The following CR1 variants were observed in gnomAD, a reference collection of about 807,000 sequenced individuals.
CR1 encodes complement receptor type 1.
Under a neutral mutation model 187.3 loss-of-function variants are expected in CR1, and 116 were observed. The ratio of observed to expected loss-of-function variants is 0.62; its 90% CI spans 0.53 to 0.72. The LOEUF (loss-of-function observed/expected upper bound fraction) is 0.72. Ranked by LOEUF, CR1 falls within the 30% of genes least tolerant of loss-of-function variation. The probability of loss-of-function intolerance (pLI) is 0.00; values close to 1 mark genes in which losing one functional copy is unlikely to be tolerated. For missense variants in CR1, 1,731 were observed against 2,110.7 expected, an observed-to-expected ratio of 0.82 and a Z score of 3.52; for synonymous variants, 576 against 747.1, an observed-to-expected ratio of 0.77 and a Z score of 3.73.
intron 4 of CR1, among the ~76,000 whole-genome samples, chr1:207,511,990 T>C (rs1659636907): frequency 6.6e-6 from 1 of 152,306 alleles, no homozygotes; most frequent in Middle Eastern, 3.4e-3. Flanking sequence ...TTAAAATTGA[T>C]ACTCTTCAAG....
intron 37 of CR1, among the ~76,000 whole-genome samples, chr1:207,611,205 G>A (rs906134280): frequency 6.6e-6 from 1 of 152,138 alleles, no homozygotes; most frequent in Admixed American, 6.5e-5. Context: ...GAAGCTAACA[G>A]TTCAGCCCTG....
intron 28 of CR1, among the ~76,000 whole-genome samples, chr1:207,576,654 CA>C (rs1660755115): frequency 6.6e-6 from 1 of 151,966 alleles, no homozygotes; most frequent in Non-Finnish European, 1.5e-5. Flanking sequence ...CATGTCTCTA[CA>C]AAAAATACAA....
rs55906048 is a variant in CR1, at chr1:207,506,806, A to C, written c.394A>C (p.Thr132Pro). 326 of 1,611,262 alleles carry C rather than the reference A, an allele frequency of 2.0e-4. 2 individuals carry two copies. In the East Asian group the frequency reaches 5.5e-3, roughly 27 times the overall value. The change falls in exon 3 of 47, where the codon ACT (threonine) becomes CCT (proline). Residue 132 changes from threonine to proline, a missense_variant. Transcript: ENST00000367049. ...CGGATCCCAAATTAAATATTCTTGTACTAAAGGGTGAGTTGGCATCTCTTG... is the reference window on the plus strand; with the variant it reads ...CGGATCCCAAATTAAATATTCTTGTCCTAAAGGGTGAGTTGGCATCTCTTG... The part of the protein sequence containing the change: ...QFGSQIKYSC[T>P]KGYRLIGSSS...
At chr1:207,620,105 T>C (rs751623490) in intron 43 of CR1, 40 bp downstream of exon 43, 10 of 1,573,174 alleles carry the variant, frequency 6.4e-6, no homozygotes, top group African/African-American at 1.4e-5. Context: ...TTCCCGGTCA[T>C]GGTTATTGCT....
intron 35 of CR1, among the ~76,000 whole-genome samples, chr1:207,599,916 A>T (rs1007966732): frequency 1.3e-5 from 2 of 152,230 alleles, no homozygotes; most frequent in African/African-American, 4.8e-5. Context: ...TTCTGAAAAC[A>T]AGTGCAACTT....
At position 207,621,976 on chromosome 1, in the gene CR1, C is replaced by T; in HGVS notation, c.7256C>T (p.Thr2419Ile). 6.3e-7 allele frequency: 1 copy of T among 1,596,818 alleles called. No individual in the cohort carries two copies. Among genetic ancestry groups the T allele is most frequent in the Non-Finnish European group, 8.5e-7 (1 of 1,170,094 alleles). The change falls in exon 44 of 47, where the codon ACA becomes ATA. Residue 2419 changes from threonine (T) to isoleucine (I), a missense_variant. Physicochemically the swap from Thr to Ile is moderately conservative, Grantham distance 89 (BLOSUM62 -1). Around this residue, in one of 5 missense-constraint regions of CR1, gnomAD observed 1,312 missense variants for 1,379.6 expected, o/e 0.95. Transcript: ENST00000367049. ...GTGACTTTTGTCTTCCTTTTAGGTA[C>T]ACATGATGCTCTCATAGTTGGTAAG... ...DPPLAKCTSR[T>I]HDALIVGTLS...
chr1:207,578,452 A>C (rs1660837001), intron 29 of CR1, among the ~76,000 whole-genome samples: 1 of 152,246 alleles, frequency 6.6e-6, no homozygotes, highest in Non-Finnish European at 1.5e-5. Flanking sequence ...TTTGATTCTC[A>C]GGGCAAAGTA....
chr1:207,520,498 G>A (rs1203219621), intron 4 of CR1, among the ~76,000 whole-genome samples: 3 of 152,218 alleles, frequency 2.0e-5, no homozygotes, highest in Admixed American at 1.3e-4. Context: ...TAAAGGCATT[G>A]GCTGATGGGT....
chr1:207,581,655 T>C (rs1266929615), intron 31 of CR1, among the ~76,000 whole-genome samples: 1 of 152,162 alleles, frequency 6.6e-6, no homozygotes, highest in Non-Finnish European at 1.5e-5. Flanking sequence ...AGTAGAAATA[T>C]TCTAAATTCC....
intron 45 of CR1, among the ~76,000 whole-genome samples, chr1:207,627,202 C>T (rs541724639): frequency 2.9e-4 from 44 of 152,290 alleles, no homozygotes; most frequent in African/African-American, 9.4e-4. Flanking sequence ...ACCCCACCCC[C>T]ACATTCCTAG....
rs369482432 is a variant in CR1, at chr1:207,514,994, TACACACACACAC to T, written c.487+3362_487+3373del. Among the ~76,000 whole-genome samples, 666 of 119,572 alleles carry T rather than the reference TACACACACACAC, an allele frequency of 5.6e-3. 6 individuals are homozygous for T. The highest frequency in any genetic ancestry group is 0.018 in the African/African-American group (618 of 33,682). The allele number at this position is 119,572 out of a possible 152,430, so 78.4% of individuals were successfully genotyped here. On this transcript the variant is annotated intron_variant, in intron 4 of 46. Transcript: ENST00000367049. ...CTGAAGTATAACATATATATATATA[TACACACACACAC>T]ACACACACACACACACACACATATA... is the stretch of plus-strand genomic sequence containing the variant.
chr1:207,582,034 ATCTT>A, intron 32 of CR1, 31 bp downstream of exon 32: 2 of 1,524,536 alleles, frequency 1.3e-6, no homozygotes, highest in Non-Finnish European at 1.8e-6. Context: ...TTCAGTCTGG[ATCTT>A]TCTGTTTTTT....
rs1305661090 is a variant in CR1 at position 207,619,984 on chromosome 1, G to C, written c.7171G>C (p.Gly2391Arg). 3.7e-6 allele frequency: 6 copies of C among 1,613,784 alleles called. No homozygotes were observed. Among genetic ancestry groups the C allele is most frequent in the Admixed American group, 1.7e-5 (1 of 59,986 alleles). ...TTATGTGACTTTGAAGTGTGAAGAT[G>C]GGTATACTCTGGAAGGCAGTCCCTG... Reference protein sequence around the residue: ...GDYVTLKCEDGYTLEGSPWSQ... With the variant: ...GDYVTLKCEDRYTLEGSPWSQ... The change falls in exon 43 of 47, where the codon GGG (glycine) becomes CGG (arginine). Residue 2391 changes from glycine (G) to arginine (R), a missense_variant. Transcript: ENST00000367049.
intron 33 of CR1, 123 bp downstream of exon 33, chr1:207,584,999 A>G: frequency 7.0e-7 from 1 of 1,424,730 alleles, no homozygotes; most frequent in Non-Finnish European, 9.5e-7. Context: ...TGTAAATGTC[A>G]AAATTACATA....
chr1:207,503,528 C>T (rs1261350492), intron 1 of CR1, among the ~76,000 whole-genome samples: 1 of 152,148 alleles, frequency 6.6e-6, no homozygotes, highest in Non-Finnish European at 1.5e-5. Context: ...CGTCCTTTGG[C>T]TCTTGGCCTC....
intron 1 of CR1, among the ~76,000 whole-genome samples, chr1:207,497,046 C>T (rs1329275557): frequency 6.6e-6 from 1 of 152,186 alleles, no homozygotes; most frequent in Non-Finnish European, 1.5e-5. Flanking sequence ...CCTCGCCCCC[C>T]ACACCAAGCC....
rs183171969 is a variant in CR1 at position 207,506,809 on chromosome 1, A to G, written c.397A>G (p.Lys133Glu). ...ATCCCAAATTAAATATTCTTGTACT[A>G]AAGGGTGAGTTGGCATCTCTTGAAC... The part of the protein sequence containing the change: ...FGSQIKYSCT[K>E]GYRLIGSSSA... Residue 133 changes from lysine to glutamate, a missense_variant, in exon 3 of 47, where the codon AAA becomes GAA. Transcript: ENST00000367049. 6.5e-4 allele frequency: 1,052 copies of G among 1,611,756 alleles called. 1 individual carries two copies. The highest frequency in any genetic ancestry group is 8.0e-4 in the Non-Finnish European group (944 of 1,178,094).
chr1:207,594,743 C>T (rs1661376692), intron 35 of CR1, among the ~76,000 whole-genome samples: 2 of 152,292 alleles, frequency 1.3e-5, no homozygotes, highest in African/African-American at 4.8e-5. Flanking sequence ...GTCAGTATTC[C>T]TCTTTTCTGA....
intron 35 of CR1, among the ~76,000 whole-genome samples, chr1:207,592,550 T>C (rs569992885): frequency 2.0e-5 from 3 of 152,278 alleles, no homozygotes; most frequent in Admixed American, 2.0e-4. Context: ...AAGGATGCCC[T>C]CTCTCACCAC....
Sources: gnomAD v4.1 joint callset for allele counts (sites outside exome capture counted in the v4.1 genomes callset) on GRCh38, gnomAD v4.1.1 for gene constraint, gnomAD v4.1.1 regional missense constraint, MANE v1.5 for transcripts, NCBI Gene and HGNC (gene_info 2026-07-23, HGNC 2026-07-21) for gene names.